RBFOX1: variants seen among roughly 807,000 people sequenced by gnomAD.
The protein encoded by RBFOX1 is RNA binding protein fox-1 homolog 1.
In RBFOX1, 8 loss-of-function variants were observed where a neutral mutation model predicts 57.7. The observed-to-expected ratio is 0.14, with a 90% CI of 0.08 to 0.25. The LOEUF (loss-of-function observed/expected upper bound fraction) is 0.25. Among genes scored for constraint, RBFOX1 ranks in the 10% least tolerant of loss-of-function variants. The pLI is 1.00. For missense variants in RBFOX1, 611 were observed against 548.5 expected (o/e 1.11, Z -1.14); for synonymous variants, 326 against 222.4 (o/e 1.47, Z -4.15).
intron 13 of RBFOX1, among the ~76,000 whole-genome samples, chr16:7,672,062 C>T (rs187915438): frequency 7.2e-5 from 11 of 152,268 alleles, no homozygotes; most frequent in Non-Finnish European, 1.2e-4. Flanking sequence ...TCAAGAATCT[C>T]ATGTGCAACA....
chr16:7,262,379 T>G (rs1297182834), intron 4 of RBFOX1, among the ~76,000 whole-genome samples: 3 of 152,254 alleles, frequency 2.0e-5, no homozygotes, highest in Non-Finnish European at 2.9e-5. Context: ...TTTGTTTTCC[T>G]TTTGCTGGGT....
Position 5,548,743 on chromosome 16 carries a change from A to C in RBFOX1, c.259-50159A>C, listed in dbSNP as rs538364927. Among the ~76,000 whole-genome samples the C allele has an allele frequency of 5.3e-5, 8 of 152,272 alleles. No homozygotes were observed. In the East Asian group the frequency reaches 1.4e-3, roughly 26 times the overall value. On this transcript the variant is annotated intron_variant, in intron 2 of 2. Coordinates refer to the RBFOX1 transcript ENST00000585867. ...ATTTCACTGTCTTGAGTGAGATGAG[A>C]GTTCATGGATGTATGTATATGTCAA...
intron 4 of RBFOX1, among the ~76,000 whole-genome samples, chr16:7,453,820 G>C (rs770456245): frequency 2.2e-4 from 33 of 152,172 alleles, no homozygotes; most frequent in Non-Finnish European, 2.8e-4. Flanking sequence ...AGCACCTTCA[G>C]CCTTAAGATG....
At chr16:7,481,492 C>T (rs748102807) in intron 4 of RBFOX1, among the ~76,000 whole-genome samples, 1 of 152,152 alleles carries the variant, frequency 6.6e-6, no homozygotes, top group Non-Finnish European at 1.5e-5. Context: ...GGTGAGTTAG[C>T]AAGAATCTAT....
intron 2 of RBFOX1, among the ~76,000 whole-genome samples, chr16:6,327,059 C>T (rs945318952): frequency 2.6e-5 from 4 of 152,184 alleles, no homozygotes; most frequent in African/African-American, 9.6e-5. Context: ...ATGAGATTCA[C>T]CTGCACCTGA....
chr16:7,316,410 G>A (rs1048526929), intron 4 of RBFOX1, among the ~76,000 whole-genome samples: 4 of 152,198 alleles, frequency 2.6e-5, no homozygotes, highest in Non-Finnish European at 4.4e-5. Context: ...GGCCCAGAAT[G>A]ATTAAGTCAC....
chr16:7,332,050 A>G (rs1223099156), intron 4 of RBFOX1, among the ~76,000 whole-genome samples: 1 of 152,204 alleles, frequency 6.6e-6, no homozygotes, highest in Non-Finnish European at 1.5e-5. Flanking sequence ...TGAAAGCTCA[A>G]AATAAAGAAT....
intron 4 of RBFOX1, among the ~76,000 whole-genome samples, chr16:7,147,252 A>T (rs954125760): frequency 1.2e-4 from 18 of 149,888 alleles, no homozygotes; most frequent in Non-Finnish European, 1.5e-4. Flanking sequence ...TGATCCGCCC[A>T]CCTCAGCCTC....
At chr16:6,846,408 A>G (rs2093756968) in intron 3 of RBFOX1, among the ~76,000 whole-genome samples, 1 of 152,222 alleles carries the variant, frequency 6.6e-6, no homozygotes, top group African/African-American at 2.4e-5. Context: ...TTTTCCAGTA[A>G]GAACATGGAC....
rs1463319979 is a variant in RBFOX1 at position 5,947,144 on chromosome 16, A to C, written c.351+79809A>C. Among the ~76,000 whole-genome samples, 1 of 152,124 alleles carries C rather than the reference A, an allele frequency of 6.6e-6. No homozygotes were observed. Among genetic ancestry groups the C allele is most frequent in the African/African-American group, 2.4e-5 (1 of 41,418 alleles). On this transcript the variant is annotated intron_variant, in intron 4 of 19. Transcript: ENST00000641259. The surrounding 1 kb of genome is among the most constrained non-coding windows in gnomAD (Gnocchi z 7.2). ...GGTAGGAGGATCATGTGAACTCAGG[A>C]GGTTGAGGTTGCAGCGAGCCGTGAT...
intron 1 of RBFOX1, among the ~76,000 whole-genome samples, chr16:5,461,391 C>T (rs76963972): frequency 0.024 from 3,635 of 152,126 alleles, 49 homozygotes; most frequent in Non-Finnish European, 0.038. Context: ...CTTGGAGAGG[C>T]GAGGGGGTGG....
At chr16:6,013,056 A>T (rs1263984328) in intron 4 of RBFOX1, among the ~76,000 whole-genome samples, 1 of 152,168 alleles carries the variant, frequency 6.6e-6, no homozygotes, top group South Asian at 2.1e-4. Flanking sequence ...TTATATCATC[A>T]TCATCATCAT....
intron 4 of RBFOX1, among the ~76,000 whole-genome samples, chr16:7,101,732 G>A (rs764410358): frequency 2.0e-5 from 3 of 152,192 alleles, no homozygotes; most frequent in Non-Finnish European, 4.4e-5. Context: ...TGCCGCAGAA[G>A]ACAAGTACAG....
intron 3 of RBFOX1, among the ~76,000 whole-genome samples, chr16:5,682,799 C>A (rs1378700534): frequency 1.3e-5 from 2 of 152,142 alleles, no homozygotes; most frequent in African/African-American, 4.8e-5. Flanking sequence ...TTGAATTTTC[C>A]TCACCAGAAC....
At chr16:7,222,485 A>G (rs1317888285) in intron 4 of RBFOX1, among the ~76,000 whole-genome samples, 1 of 152,196 alleles carries the variant, frequency 6.6e-6, no homozygotes, top group African/African-American at 2.4e-5. Flanking sequence ...TTGGCAATGC[A>G]AGGAAGTGAC....
intron 2 of RBFOX1, among the ~76,000 whole-genome samples, chr16:6,506,670 T>C (rs1598446695): frequency 8.2e-6 from 1 of 122,048 alleles, no homozygotes; most frequent in Non-Finnish European, 1.7e-5. Flanking sequence ...TTTTTTGAGA[T>C]GGAGTCTCGC....
At chr16:6,785,580 G>T (rs530773068) in intron 3 of RBFOX1, among the ~76,000 whole-genome samples, 1 of 152,100 alleles carries the variant, frequency 6.6e-6, no homozygotes, top group Admixed American at 6.5e-5. Flanking sequence ...GTGGGGACAA[G>T]TTTTCCATTA....
intron 9 of RBFOX1, among the ~76,000 whole-genome samples, chr16:7,603,017 C>A (rs1043604446): frequency 6.6e-6 from 1 of 152,168 alleles, no homozygotes; most frequent in Non-Finnish European, 1.5e-5. Context: ...TTTAAAAATT[C>A]TTGACATAAA....
chr16:5,398,996 G>A (rs1423812476), intron 1 of RBFOX1, among the ~76,000 whole-genome samples: 1 of 152,128 alleles, frequency 6.6e-6, no homozygotes, highest in Non-Finnish European at 1.5e-5. Context: ...TTCTCTTCCC[G>A]CATTTGAGGG....
Sources: gnomAD v4.1 joint callset for allele counts (sites outside exome capture counted in the v4.1 genomes callset) on GRCh38, gnomAD v4.1.1 for gene constraint, Gnocchi (gnomAD v3.1) non-coding constraint, MANE v1.5 for transcripts, NCBI Gene and HGNC (gene_info 2026-07-23, HGNC 2026-07-21) for gene names.